KDR: variants seen among roughly 807,000 people sequenced by gnomAD.
KDR encodes kinase insert domain receptor, also known as vascular endothelial growth factor receptor 2.
A neutral mutation model predicts 160.9 loss-of-function variants in KDR; 43 were observed. That is an observed-to-expected ratio of 0.27 (90% CI 0.21 to 0.34). The LOEUF (loss-of-function observed/expected upper bound fraction) is 0.34, where lower values mean the gene tolerates loss of function less well. KDR is among the 10% of genes least tolerant of loss of function. The probability of loss-of-function intolerance (pLI) is 1.00; values close to 1 mark genes in which losing one functional copy is unlikely to be tolerated. For synonymous variants in KDR, 617 were observed against 600.1 expected, an observed-to-expected ratio of 1.03 and a Z score of -0.41; for missense variants, 1,469 against 1,666.4, an observed-to-expected ratio of 0.88 and a Z score of 2.06.
chr4:55,114,244 A>G lies in KDR; in HGVS notation c.680T>C (p.Val227Ala). The change falls in exon 6 of 30, where the codon GTT (valine) becomes GCT (alanine). Residue 227 changes from valine (V) to alanine (A), a missense_variant. By Grantham distance (64) the Val-to-Ala change is moderately conservative (BLOSUM62 0). Around this residue, in one of 7 missense-constraint regions of KDR, gnomAD observed 792 missense variants for 840.9 expected, o/e 0.94. Coordinates refer to ENST00000263923, the MANE Select transcript of KDR (RefSeq NM_002253.4). ...TTCAATTCCATGAGACGGACTCAGA[A>G]CCACATCATAAATCCTATACCCTAG... ...VVVGYRIYDVVLSPSHGIELS... is the reference protein window; with the variant it reads ...VVVGYRIYDVALSPSHGIELS... 6.2e-7 allele frequency: 1 copy of G among 1,613,942 alleles called. No homozygotes were observed. The highest frequency in any genetic ancestry group is 8.5e-7 in the Non-Finnish European group (1 of 1,179,882).
intron 27 of KDR, among the ~76,000 whole-genome samples, chr4:55,085,562 C>A (rs1026287083): frequency 6.6e-6 from 1 of 152,182 alleles, no homozygotes; most frequent in African/African-American, 2.4e-5. Flanking sequence ...ATGAAGCATG[C>A]CGTGTGCAAA....
At chr4:55,099,089 T>A (rs1235548763) in intron 15 of KDR, among the ~76,000 whole-genome samples, 2 of 151,874 alleles carry the variant, frequency 1.3e-5, no homozygotes, top group African/African-American at 4.8e-5. Context: ...AATCATAGCT[T>A]ATTGCAGCCT....
At chr4:55,088,235 T>G (rs1719911039) in intron 26 of KDR, among the ~76,000 whole-genome samples, 1 of 152,212 alleles carries the variant, frequency 6.6e-6, no homozygotes, top group South Asian at 2.1e-4. Flanking sequence ...GTTGCACAAC[T>G]TAATATTATT....
chr4:55,102,700 T>C (rs939212252), intron 13 of KDR, among the ~76,000 whole-genome samples, 192 bp from the exon 14 acceptor site: 22 of 152,206 alleles, frequency 1.4e-4, no homozygotes, highest in African/African-American at 5.3e-4. Context: ...AACAGATTAA[T>C]GGCTTTTAAC....
intron 15 of KDR, among the ~76,000 whole-genome samples, chr4:55,101,413 C>A (rs765092175): frequency 6.6e-6 from 1 of 152,162 alleles, no homozygotes; most frequent in South Asian, 2.1e-4. Context: ...TCTGTCGTTG[C>A]CCTATTCAAA....
At position 55,096,002 on chromosome 4, in the gene KDR, G is replaced by A. The variant is rs570677758; in HGVS notation, c.2728+227C>T. 2.6e-5 allele frequency among the ~76,000 whole-genome samples: 4 copies of A among 152,254 alleles called. No individual in the cohort carries two copies. In the East Asian group the frequency reaches 7.7e-4, roughly 29 times the overall value. ...TCTTCTCTGGACATCTGTTACACAA[G>A]TAACAAACTGTATCATAGTAGCATG... On this transcript the variant is annotated intron_variant, in intron 19 of 29. Transcript: ENST00000263923.
chr4:55,105,969 C>T (rs747250042), intron 11 of KDR, 29 bp from the exon 12 acceptor site: 2 of 1,418,400 alleles, frequency 1.4e-6, no homozygotes, highest in Non-Finnish European at 2.0e-6. Context: ...AATCCCAGGC[C>T]ATAAACAACG....
At chr4:55,080,306 T>C (rs1719700150) in intron 29 of KDR, 143 bp from the exon 30 acceptor site, 7 of 744,602 alleles carry the variant, frequency 9.4e-6, no homozygotes, top group South Asian at 6.0e-5. Flanking sequence ...TTAATCAGCA[T>C]AGCAGGTTTA....
At chr4:55,094,658 G>C in intron 21 of KDR, 144 bp downstream of exon 21, 1 of 826,002 alleles carries the variant, frequency 1.2e-6, no homozygotes, top group South Asian at 1.3e-5. Flanking sequence ...CAGAATGGAG[G>C]CAGTCTATTA....
At chr4:55,116,417 CAAA>C (rs66997115) in intron 3 of KDR, among the ~76,000 whole-genome samples, 124 of 94,726 alleles carry the variant, frequency 1.3e-3, no homozygotes, top group Middle Eastern at 5.6e-3. Flanking sequence ...AACTCCGTCT[CAAA>C]AAAAAAAAAA....
At chr4:55,101,221 A>C (rs1472799612) in intron 15 of KDR, among the ~76,000 whole-genome samples, 1 of 152,208 alleles carries the variant, frequency 6.6e-6, no homozygotes, top group African/African-American at 2.4e-5. Context: ...CATTCAAACA[A>C]AGACAGAATC....
chr4:55,082,688 C>G (rs974557653), intron 27 of KDR, 53 bp from the exon 28 acceptor site: 2 of 1,344,962 alleles, frequency 1.5e-6, no homozygotes, highest in East Asian at 2.3e-5. Context: ...GACTGCAGAT[C>G]GGCTACCTAA....
intron 29 of KDR, 100 bp from the exon 30 acceptor site, chr4:55,080,263 C>G: frequency 3.1e-6 from 3 of 982,030 alleles, no homozygotes; most frequent in Non-Finnish European, 4.8e-6. Context: ...TGCCATCTCC[C>G]TGGAGACCGC....
At chr4:55,125,191 C>A in intron 1 of KDR, 36 bp downstream of exon 1, 1 of 1,596,806 alleles carries the variant, frequency 6.3e-7, no homozygotes, top group Non-Finnish European at 8.6e-7. Flanking sequence ...CCTCACCCGA[C>A]CTGTCTGCCT....
intron 7 of KDR, among the ~76,000 whole-genome samples, chr4:55,110,979 C>A (rs1159647467): frequency 6.6e-6 from 1 of 152,116 alleles, no homozygotes; most frequent in African/African-American, 2.4e-5. Flanking sequence ...TTGCTTTTCT[C>A]TCCCCGCTAG....
In KDR at chr4:55,079,575, T is replaced by C; in HGVS notation, c.*366A>G. Reference sequence around the variant, plus strand: ...GAACACTTACATTGCCTGGTTTATCTTCTAGTTTTACAGAAGTGTCAGCTC... The same window carrying C: ...GAACACTTACATTGCCTGGTTTATCCTCTAGTTTTACAGAAGTGTCAGCTC... On this transcript the variant is annotated 3_prime_UTR_variant, in exon 30 of 30. Coordinates refer to ENST00000263923, the MANE Select transcript of KDR (RefSeq NM_002253.4). 1 of 395,464 alleles carries C rather than the reference T, an allele frequency of 2.5e-6. No individual in the cohort carries two copies. Among genetic ancestry groups the C allele is most frequent in the Non-Finnish European group, 4.7e-6 (1 of 212,620 alleles). The allele number at this position is 395,464 out of a possible 1,614,324, so 24.5% of individuals were successfully genotyped here.
chr4:55,124,498 C>A (rs999565784), intron 1 of KDR, among the ~76,000 whole-genome samples: 1 of 152,102 alleles, frequency 6.6e-6, no homozygotes, highest in Non-Finnish European at 1.5e-5. Context: ...TCTGACTATG[C>A]GCTTACACCA....
At chr4:55,121,290 CT>C in intron 1 of KDR, 100 bp from the exon 2 acceptor site, 1 of 804,066 alleles carries the variant, frequency 1.2e-6, no homozygotes, top group East Asian at 2.5e-5. Context: ...TAAAAGGCCT[CT>C]TCAGCAATTC....
At chr4:55,098,546 A>C (rs1720220620) in intron 16 of KDR, 151 bp downstream of exon 16, 1 of 745,516 alleles carries the variant, frequency 1.3e-6, no homozygotes, top group Non-Finnish European at 2.3e-6. Context: ...GATCCAGCCA[A>C]AAGAAAGTGG....
Sources: gnomAD v4.1 joint callset for allele counts (sites outside exome capture counted in the v4.1 genomes callset) on GRCh38, gnomAD v4.1.1 for gene constraint, gnomAD v4.1.1 regional missense constraint, MANE v1.5 for transcripts, NCBI Gene and HGNC (gene_info 2026-07-23, HGNC 2026-07-21) for gene names.